PAK1IP1: variants seen among roughly 807,000 people sequenced by gnomAD.
PAK1IP1 encodes p21-activated protein kinase-interacting protein 1.
A neutral mutation model predicts 42.0 loss-of-function variants in PAK1IP1; 24 were observed. The observed-to-expected ratio is 0.57, with a 90% CI of 0.41 to 0.80. PAK1IP1 has a LOEUF of 0.80. PAK1IP1 is among the 30% of genes least tolerant of loss of function. The probability of loss-of-function intolerance (pLI) is 0.00; values close to 1 mark genes in which losing one functional copy is unlikely to be tolerated. For synonymous variants in PAK1IP1, 154 were observed against 156.7 expected (o/e 0.98, Z 0.13); for missense variants, 411 against 467.9 (o/e 0.88, Z 1.12).
chr6:10,697,497 T>C lies in PAK1IP1; in HGVS notation c.247+11T>C. 6.3e-7 allele frequency: 1 copy of C among 1,596,568 alleles called. No individual in the cohort carries two copies. Among genetic ancestry groups the C allele is most frequent in the South Asian group, 1.1e-5 (1 of 90,302 alleles). On this transcript the variant is annotated intron_variant, in intron 2 of 9. Coordinates refer to ENST00000379568, the MANE Select transcript of PAK1IP1 (RefSeq NM_017906.3). ...TAGTGCATCACAGTGGTAAGAAAAT[T>C]GTATCCCTTAAGATGAGAACATAGA...
At chr6:10,708,041 CTTT>C (rs34074813) in intron 8 of PAK1IP1, among the ~76,000 whole-genome samples, 1 of 92,296 alleles carries the variant, frequency 1.1e-5, no homozygotes, top group Admixed American at 1.1e-4. Flanking sequence ...TTAGAATTTT[CTTT>C]TTTTTTTTTT....
At chr6:10,695,628 C>G (rs1035338595) in intron 1 of PAK1IP1, among the ~76,000 whole-genome samples, 1 of 152,028 alleles carries the variant, frequency 6.6e-6, no homozygotes, top group African/African-American at 2.4e-5. Context: ...GAAATTACAG[C>G]AGAATATGAT....
chr6:10,694,037 A>G (rs1303049775), upstream of PAK1IP1, among the ~76,000 whole-genome samples: 1 of 152,156 alleles, frequency 6.6e-6, no homozygotes, highest in Non-Finnish European at 1.5e-5. Context: ...AGGCAAGCGG[A>G]TCACCTGCGG....
upstream of PAK1IP1, among the ~76,000 whole-genome samples, chr6:10,693,087 A>T (rs1358854322): frequency 6.6e-6 from 1 of 152,192 alleles, no homozygotes; most frequent in Non-Finnish European, 1.5e-5. Flanking sequence ...GTTAAGCCCT[A>T]TTGTATGTAA....
At chr6:10,702,332 A>G in intron 2 of PAK1IP1, 37 bp from the exon 3 acceptor site, 5 of 1,565,294 alleles carry the variant, frequency 3.2e-6, no homozygotes, top group Non-Finnish European at 4.4e-6. Flanking sequence ...TGCATTTAAA[A>G]TGAATATTAT....
chr6:10,703,287 G>A (rs369110773), intron 4 of PAK1IP1, 118 bp from the exon 5 acceptor site: 21 of 679,376 alleles, frequency 3.1e-5, no homozygotes, highest in Middle Eastern at 2.7e-4. Flanking sequence ...AAGATAGCAG[G>A]TCTTCTAAAT....
chr6:10,691,088 T>C (rs913499580), upstream of PAK1IP1, among the ~76,000 whole-genome samples: 5 of 152,222 alleles, frequency 3.3e-5, no homozygotes, highest in Admixed American at 6.5e-5. Context: ...TAGCTGTGTG[T>C]TCTTGAAAAA....
intron 4 of PAK1IP1, 55 bp downstream of exon 4, chr6:10,702,694 C>A: frequency 8.2e-7 from 1 of 1,215,266 alleles, no homozygotes; most frequent in Non-Finnish European, 1.2e-6. Context: ...TACTACAGCT[C>A]TCCACCATCT....
chr6:10,696,112 A>T (rs1248034993), intron 1 of PAK1IP1, among the ~76,000 whole-genome samples: 3 of 152,164 alleles, frequency 2.0e-5, no homozygotes, highest in Non-Finnish European at 4.4e-5. Flanking sequence ...CTGCTGAAGG[A>T]CACACAGATA....
chr6:10,708,536 CT>C lies in PAK1IP1; in HGVS notation c.841-408del, dbSNP rs563165194. Among the ~76,000 whole-genome samples the C allele has an allele frequency of 5.9e-3, 883 of 149,284 alleles. 9 individuals carry two copies. Among genetic ancestry groups the C allele is most frequent in the African/African-American group, 0.02 (833 of 40,760 alleles). On this transcript the variant is annotated intron_variant, in intron 8 of 9. Coordinates refer to ENST00000379568, the MANE Select transcript of PAK1IP1 (RefSeq NM_017906.3). The stretch of plus-strand genomic sequence containing the variant: ...TTTGTGTGGATATATGTTTTTTTTT[CT>C]TTTTTTTTATACTTTAAGTTTTAGG...
upstream of PAK1IP1, among the ~76,000 whole-genome samples, chr6:10,691,654 C>A (rs939398327): frequency 6.6e-6 from 1 of 151,954 alleles, no homozygotes; most frequent in Non-Finnish European, 1.5e-5. Flanking sequence ...GGTGGTCTCC[C>A]TCCCTTAAAA....
rs189303066 is a variant in PAK1IP1, at chr6:10,707,410, C to T, written c.741-5C>T. ...TCTTTTATGGTGTTAATATTTCTAT[C>T]CTAGGGTAAAGGACATGTTCAGTTT... On this transcript the variant is annotated splice_polypyrimidine_tract_variant and splice_region_variant and intron_variant, in intron 7 of 9. Transcript: ENST00000379568. The T allele has an allele frequency of 3.5e-5, 52 of 1,498,694 alleles. 1 individual carries two copies. Among genetic ancestry groups the T allele is most frequent in the Non-Finnish European group, 4.7e-5 (50 of 1,074,908 alleles). The allele number at this position is 1,498,694 out of a possible 1,614,324, so 92.8% of individuals were successfully genotyped here. A position where few individuals can be genotyped will look rare whatever the true frequency, so the allele number is the denominator to read the frequency against.
chr6:10,694,034 C>A (rs1287631153), upstream of PAK1IP1, among the ~76,000 whole-genome samples: 1 of 152,072 alleles, frequency 6.6e-6, no homozygotes, highest in Non-Finnish European at 1.5e-5. Flanking sequence ...TCGAGGCAAG[C>A]GGATCACCTG....
intron 1 of PAK1IP1, among the ~76,000 whole-genome samples, chr6:10,695,792 T>G (rs761037626): frequency 7.2e-5 from 11 of 152,202 alleles, no homozygotes; most frequent in Non-Finnish European, 1.3e-4. Flanking sequence ...GAAAATTGAG[T>G]ACAGTACTTC....
chr6:10,691,461 A>G (rs1401151366), upstream of PAK1IP1, among the ~76,000 whole-genome samples: 3 of 152,100 alleles, frequency 2.0e-5, no homozygotes, highest in East Asian at 5.8e-4. Context: ...CAGGACAGGG[A>G]TTTTCACAGT....
At chr6:10,702,824 C>G (rs1238607264) in intron 4 of PAK1IP1, among the ~76,000 whole-genome samples, 185 bp downstream of exon 4, 1 of 151,696 alleles carries the variant, frequency 6.6e-6, no homozygotes, top group South Asian at 2.1e-4. Flanking sequence ...GACAGAGTCT[C>G]GCTCTGTCTC....
intron 2 of PAK1IP1, among the ~76,000 whole-genome samples, chr6:10,700,498 T>C (rs566499519): frequency 1.6e-4 from 24 of 152,352 alleles, no homozygotes; most frequent in Admixed American, 9.1e-4. Flanking sequence ...CAAATGAATT[T>C]TGGGGGACAC....
At chr6:10,704,866 G>A (rs758983642) in intron 7 of PAK1IP1, 22 bp downstream of exon 7, 1 of 1,394,954 alleles carries the variant, frequency 7.2e-7, no homozygotes, top group Non-Finnish European at 1.0e-6. Flanking sequence ...AATCTTTGGT[G>A]TATATGTCTA....
At position 10,702,497 on chromosome 6, in the gene PAK1IP1, G is replaced by A. The variant is rs764145173; in HGVS notation, c.368+8G>A. 31 of 1,613,874 alleles carry A rather than the reference G, an allele frequency of 1.9e-5. No individual in the cohort carries two copies. Among genetic ancestry groups the A allele is most frequent in the South Asian group, 7.7e-5 (7 of 91,056 alleles). On this transcript the variant is annotated splice_region_variant and intron_variant, in intron 3 of 9. Transcript: ENST00000379568. ...GTCAATTAAAGCTCACAAGTGAGTCGGGCTCTTTCCCTTTGGCATTCTCGA... is the reference window on the plus strand; with the variant it reads ...GTCAATTAAAGCTCACAAGTGAGTCAGGCTCTTTCCCTTTGGCATTCTCGA...
Sources: allele counts gnomAD v4.1 joint callset (sites outside exome capture counted in the v4.1 genomes callset), GRCh38; gene constraint gnomAD v4.1.1; transcripts MANE v1.5; gene names NCBI Gene and HGNC (gene_info 2026-07-23, HGNC 2026-07-21).